Variants in FAM171A1 observed in about 807,000 individuals in gnomAD.
FAM171A1 encodes the protein family with sequence similarity 171 member A1.
A neutral mutation model predicts 74.9 loss-of-function variants in FAM171A1; 23 were observed. That is an observed-to-expected ratio of 0.31 (90% confidence interval 0.22 to 0.44). FAM171A1 has a LOEUF of 0.44. Ranked by LOEUF, FAM171A1 falls within the 20% of genes least tolerant of loss-of-function variation. The pLI is 1.00. For synonymous variants in FAM171A1, 527 were observed against 505.7 expected (o/e 1.04, Z -0.57); for missense variants, 1,162 against 1,159.2 (o/e 1.00, Z -0.03).
chr10:15,337,374 G>C (rs1216396864), intron 1 of FAM171A1, among the ~76,000 whole-genome samples: 1 of 152,232 alleles, frequency 6.6e-6, no homozygotes, highest in Non-Finnish European at 1.5e-5. Flanking sequence ...AAGCTGAAAA[G>C]ATAGAAAGAG....
In FAM171A1 at chr10:15,362,260, C is replaced by T. The variant is rs1836003532; in HGVS notation, c.97+8696G>A. On this transcript the variant is annotated intron_variant, in intron 1 of 7. Transcript: ENST00000378116. Reference sequence around the variant, plus strand: ...CACTAAAGCACCAGTATTGTCCAGGCTGTGCTGTAGCTACTTTAAATATTT... The same window carrying T: ...CACTAAAGCACCAGTATTGTCCAGGTTGTGCTGTAGCTACTTTAAATATTT... Among the ~76,000 whole-genome samples the T allele has an allele frequency of 2.0e-5, 3 of 152,214 alleles. No individual in the cohort carries two copies. The South Asian group carries it at 6.2e-4, about 32-fold the overall frequency.
intron 5 of FAM171A1, among the ~76,000 whole-genome samples, chr10:15,232,197 C>G (rs112172512): frequency 2.6e-5 from 4 of 152,200 alleles, no homozygotes; most frequent in Non-Finnish European, 5.9e-5. Context: ...CTTGAGACCT[C>G]TGCACTGACC....
At chr10:15,287,546 C>T (rs1421832263) in intron 1 of FAM171A1, among the ~76,000 whole-genome samples, 3 of 152,130 alleles carry the variant, frequency 2.0e-5, no homozygotes, top group Non-Finnish European at 4.4e-5. Flanking sequence ...TGCCACCACG[C>T]CCACCTAATT....
chr10:15,297,459 T>C (rs528774978), intron 1 of FAM171A1, among the ~76,000 whole-genome samples: 1 of 152,342 alleles, frequency 6.6e-6, no homozygotes, highest in East Asian at 1.9e-4. Flanking sequence ...GTCTTGGCAG[T>C]GCTACCAGGA....
rs1163141844 is a variant in FAM171A1, at chr10:15,371,225, C to G, written c.-173G>C. ...GGCCGCTCCCTCCCGCGCCCCGCGC[C>G]GGGTTTCCCCGAAGAGCCGCGGCGG... On this transcript the variant is annotated 5_prime_UTR_variant, in exon 1 of 8. Coordinates refer to ENST00000378116, the MANE Select transcript of FAM171A1 (RefSeq NM_001010924.2). Among the ~76,000 whole-genome samples the G allele has an allele frequency of 7.0e-6, 1 of 142,276 alleles. No homozygotes were observed. Among genetic ancestry groups the G allele is most frequent in the Non-Finnish European group, 1.6e-5 (1 of 64,388 alleles). The allele number at this position is 142,276 out of a possible 152,430, so 93.3% of individuals were successfully genotyped here. A position where few individuals can be genotyped will look rare whatever the true frequency, so the allele number is the denominator to read the frequency against.
At chr10:15,229,504 C>T (rs970340063) in intron 5 of FAM171A1, among the ~76,000 whole-genome samples, 3 of 148,546 alleles carry the variant, frequency 2.0e-5, no homozygotes, top group Non-Finnish European at 3.0e-5. Flanking sequence ...ATCACCAACA[C>T]CATCATCACC....
intron 1 of FAM171A1, among the ~76,000 whole-genome samples, chr10:15,322,624 G>C (rs1053526804): frequency 6.6e-6 from 1 of 152,142 alleles, no homozygotes; most frequent in Non-Finnish European, 1.5e-5. Context: ...GTTTCAAGCC[G>C]ACAGCCCGAA....
At chr10:15,328,881 G>A (rs959455902) in intron 1 of FAM171A1, among the ~76,000 whole-genome samples, 2 of 152,106 alleles carry the variant, frequency 1.3e-5, no homozygotes, top group East Asian at 1.9e-4. Context: ...CAGAAACCTC[G>A]GGTCCCTCAT....
intron 1 of FAM171A1, among the ~76,000 whole-genome samples, chr10:15,367,050 A>AAG (rs1272166661): frequency 1.3e-5 from 2 of 152,062 alleles, no homozygotes; most frequent in Non-Finnish European, 2.9e-5. Context: ...TACAAAAAAA[A>AAG]TAGCCAGGCG....
chr10:15,291,697 C>T (rs2131817965), intron 1 of FAM171A1, among the ~76,000 whole-genome samples: 1 of 152,242 alleles, frequency 6.6e-6, no homozygotes, highest in South Asian at 2.1e-4. Flanking sequence ...GATCTCTTCC[C>T]ACCCCTCCTC....
intron 1 of FAM171A1, among the ~76,000 whole-genome samples, chr10:15,342,217 C>G (rs1035413316): frequency 6.6e-6 from 1 of 152,162 alleles, no homozygotes; most frequent in Admixed American, 6.5e-5. Flanking sequence ...GGTGGCACAC[C>G]TTCACTGGGA....
intron 3 of FAM171A1, among the ~76,000 whole-genome samples, chr10:15,267,748 G>C (rs990409879): frequency 6.6e-6 from 1 of 152,092 alleles, no homozygotes; most frequent in African/African-American, 2.4e-5. Context: ...AGGAGACAGT[G>C]AAGTGTCCAG....
In FAM171A1 at chr10:15,371,166, GCCCGCCGCCCGATTGGCCCGGC is replaced by G. The variant is rs991285651; in HGVS notation, c.-136_-115del. 10 of 245,676 alleles carry G rather than the reference GCCCGCCGCCCGATTGGCCCGGC, an allele frequency of 4.1e-5. No individual in the cohort carries two copies. Among genetic ancestry groups the G allele is most frequent in the African/African-American group, 9.5e-5 (4 of 41,892 alleles). 15.2% of individuals were successfully genotyped at this position (245,676 alleles called of 1,614,324 possible). ...CCATGTCGCTGGCTCCGCGCGCCGGGCCCGCCGCCCGATTGGCCCGGCCCCGCCGCCCCGGCCGCTCCCTCCC... is the reference window on the plus strand; with the variant it reads ...CCATGTCGCTGGCTCCGCGCGCCGGGCCCGCCGCCCCGGCCGCTCCCTCCC... On this transcript the variant is annotated 5_prime_UTR_variant, in exon 1 of 8. Coordinates refer to ENST00000378116, the MANE Select transcript of FAM171A1 (RefSeq NM_001010924.2).
intron 1 of FAM171A1, among the ~76,000 whole-genome samples, chr10:15,341,958 C>T (rs934173759): frequency 6.6e-6 from 1 of 152,222 alleles, no homozygotes; most frequent in African/African-American, 2.4e-5. Context: ...TCAGATAACC[C>T]TTGATCCCAG....
In FAM171A1 at chr10:15,370,940, G is replaced by A; in HGVS notation, c.97+16C>T. The A allele has an allele frequency of 8.8e-7, 1 of 1,131,032 alleles. No homozygotes were observed. Among genetic ancestry groups the A allele is most frequent in the Non-Finnish European group, 1.1e-6 (1 of 904,706 alleles). The allele number at this position is 1,131,032 out of a possible 1,614,324, so 70.1% of individuals were successfully genotyped here. The stretch of plus-strand genomic sequence containing the variant: ...GGCGCGACACAAAGCCCCCGGCCCC[G>A]CCGCCGCCCACTGACCTTGGGCTCC... On this transcript the variant is annotated intron_variant, in intron 1 of 7. Coordinates refer to ENST00000378116, the MANE Select transcript of FAM171A1 (RefSeq NM_001010924.2).
At chr10:15,325,812 T>C (rs1835548687) in intron 1 of FAM171A1, among the ~76,000 whole-genome samples, 1 of 152,116 alleles carries the variant, frequency 6.6e-6, no homozygotes, top group South Asian at 2.1e-4. Flanking sequence ...GTGAATGCGG[T>C]AGGGAAGTGC....
At chr10:15,340,266 G>A (rs978154371) in intron 1 of FAM171A1, among the ~76,000 whole-genome samples, 1 of 152,248 alleles carries the variant, frequency 6.6e-6, no homozygotes, top group South Asian at 2.1e-4. Context: ...TAGGAAGAGG[G>A]ATGAAGGGAT....
intron 1 of FAM171A1, among the ~76,000 whole-genome samples, chr10:15,363,391 A>T (rs1378610074): frequency 6.6e-6 from 1 of 152,232 alleles, no homozygotes; most frequent in Non-Finnish European, 1.5e-5. Context: ...AGGACCCAAG[A>T]GGGCTAAGGT....
At chr10:15,276,825 T>C (rs1834901075) in intron 2 of FAM171A1, among the ~76,000 whole-genome samples, 1 of 152,100 alleles carries the variant, frequency 6.6e-6, no homozygotes, top group African/African-American at 2.4e-5. Context: ...GTTGGGACCA[T>C]GGGTGTGCAC....
Sources: allele counts gnomAD v4.1 joint callset (sites outside exome capture counted in the v4.1 genomes callset), GRCh38; gene constraint gnomAD v4.1.1; transcripts MANE v1.5; gene names NCBI Gene and HGNC (gene_info 2026-07-23, HGNC 2026-07-21).